CCDC38: variants seen among roughly 807,000 people sequenced by gnomAD.
The protein encoded by CCDC38 is coiled-coil domain containing 38, also known as coiled-coil domain-containing protein 38.
In CCDC38, 69 loss-of-function variants were observed where a neutral mutation model predicts 72.8. That is an observed-to-expected ratio of 0.95 (90% CI 0.78 to 1.16). The LOEUF (loss-of-function observed/expected upper bound fraction) is 1.16, where lower values mean the gene tolerates loss of function less well. CCDC38 is among the 50% of genes most tolerant of loss of function. CCDC38 has a pLI of 0.00. For synonymous variants in CCDC38, 201 were observed against 213.2 expected (o/e 0.94, Z 0.50); for missense variants, 626 against 638.9 (o/e 0.98, Z 0.22).
intron 13 of CCDC38, among the ~76,000 whole-genome samples, chr12:95,875,259 G>T (rs1023378548): frequency 2.0e-5 from 3 of 152,186 alleles, no homozygotes; most frequent in Non-Finnish European, 4.4e-5. Flanking sequence ...GCTGATAATG[G>T]TGTATTCCCT....
intron 4 of CCDC38, among the ~76,000 whole-genome samples, chr12:95,910,567 A>G (rs971750806): frequency 4.6e-5 from 7 of 152,224 alleles, no homozygotes; most frequent in Non-Finnish European, 1.0e-4. Flanking sequence ...GAAAAAAACT[A>G]TTCTAGAATT....
At chr12:95,905,392 C>T (rs186562081) in intron 5 of CCDC38, among the ~76,000 whole-genome samples, 1 of 152,256 alleles carries the variant, frequency 6.6e-6, no homozygotes, top group Non-Finnish European at 1.5e-5. Flanking sequence ...TCAAGCACCA[C>T]CTTAAACTAC....
intron 13 of CCDC38, among the ~76,000 whole-genome samples, chr12:95,875,160 A>G (rs932075767): frequency 6.7e-6 from 1 of 148,966 alleles, no homozygotes; most frequent in African/African-American, 2.4e-5. Context: ...GTTCGAAAAC[A>G]GGAAAGCTGA....
At position 95,878,207 on chromosome 12, in the gene CCDC38, T is replaced by G. The variant is rs1170507277; in HGVS notation, c.1278+4A>C. The G allele has an allele frequency of 6.2e-7, 1 of 1,612,742 alleles. No homozygotes were observed. The highest frequency in any genetic ancestry group is 1.7e-5 in the Admixed American group (1 of 59,900). On this transcript the variant is annotated splice_donor_region_variant and intron_variant, in intron 13 of 15. Transcript: ENST00000344280. Reference sequence around the variant, plus strand: ...GAAATCACCATAGGCAAAGAGTGATTTACCTGAGCATCTGAATTAAATTCT... The same window carrying G: ...GAAATCACCATAGGCAAAGAGTGATGTACCTGAGCATCTGAATTAAATTCT...
chr12:95,928,446 T>A (rs2080297742), intron 2 of CCDC38, among the ~76,000 whole-genome samples: 1 of 152,224 alleles, frequency 6.6e-6, no homozygotes, highest in Non-Finnish European at 1.5e-5. Context: ...TCTTCTAAAC[T>A]TTTTTCAAAG....
intron 2 of CCDC38, among the ~76,000 whole-genome samples, chr12:95,922,096 C>T (rs563593351): frequency 6.6e-6 from 1 of 152,252 alleles, no homozygotes; most frequent in South Asian, 2.1e-4. Flanking sequence ...CCCAAAGATT[C>T]AGTGTAGAAA....
chr12:95,885,039 A>G (rs915066043), intron 10 of CCDC38: 3 of 152,216 alleles, frequency 2.0e-5, no homozygotes, highest in African/African-American at 4.8e-5. Context: ...TTTATATAAA[A>G]AGAAAAAGGA....
Position 95,918,884 on chromosome 12 carries a change from T to C in CCDC38, c.130A>G (p.Lys44Glu), listed in dbSNP as rs752119847. ...FLVKENEMAA[K>E]ETEKFMNRNM... is the part of the protein sequence containing the mutation. ...TTTTAATTAAACTTTACCGTTTCCT[T>C]TGCTGCCATTTCATTTTCTTTGACA... Residue 44 changes from lysine (K) to glutamate (E), a missense_variant, in exon 3 of 16, where the codon AAG becomes GAG. By Grantham distance (56) the Lys-to-Glu change is moderately conservative. Transcript: ENST00000344280. 2.5e-6 allele frequency: 4 copies of C among 1,596,434 alleles called. No individual in the cohort carries two copies. The Admixed American group carries it at 6.7e-5, about 27-fold the overall frequency.
rs1413014948 is a variant in CCDC38 at position 95,942,594 on chromosome 12, A to C, written c.-178T>G. On this transcript the variant is annotated 5_prime_UTR_variant, in exon 1 of 16. Transcript: ENST00000344280. ...CGTCTGGTAGCTGATCCCGGAACGC[A>C]GCTGGCCAACGGATAAGTGCGGGGC... is the stretch of plus-strand genomic sequence containing the variant. The C allele has an allele frequency of 6.6e-6, 1 of 152,368 alleles. No individual in the cohort carries two copies. 9.4% of individuals were successfully genotyped at this position (152,368 alleles called of 1,614,324 possible). A position where few individuals can be genotyped will look rare whatever the true frequency, so the allele number is the denominator to read the frequency against.
intron 7 of CCDC38, among the ~76,000 whole-genome samples, chr12:95,897,348 C>T (rs1007358931): frequency 6.6e-6 from 1 of 152,058 alleles, no homozygotes; most frequent in Non-Finnish European, 1.5e-5. Context: ...GTGACTCACG[C>T]CTGTAATCCC....
At chr12:95,928,829 G>T (rs1347549827) in intron 2 of CCDC38, among the ~76,000 whole-genome samples, 1 of 152,186 alleles carries the variant, frequency 6.6e-6, no homozygotes, top group Non-Finnish European at 1.5e-5. Flanking sequence ...CTGCTAGGGG[G>T]TGACTCCCAG....
intron 13 of CCDC38, among the ~76,000 whole-genome samples, chr12:95,873,224 C>T (rs1345053054): frequency 6.6e-6 from 1 of 152,130 alleles, no homozygotes; most frequent in Non-Finnish European, 1.5e-5. Flanking sequence ...AGTTCTCTGC[C>T]TTATCCTTAT....
Position 95,928,051 on chromosome 12 carries a change from C to A in CCDC38, c.37+8422G>T, listed in dbSNP as rs11108343. Among the ~76,000 whole-genome samples, 22 of 148,156 alleles carry A rather than the reference C, an allele frequency of 1.5e-4. No individual in the cohort carries two copies. In the South Asian group the frequency reaches 2.6e-3, roughly 18 times the overall value. ...CTCTTCTCGAGGAGTATCTTTGTGGCGTTCTCTGTATTTCCTGAATCTGAA... is the reference window on the plus strand; with the variant it reads ...CTCTTCTCGAGGAGTATCTTTGTGGAGTTCTCTGTATTTCCTGAATCTGAA... On this transcript the variant is annotated intron_variant, in intron 2 of 15. Coordinates refer to ENST00000344280, the MANE Select transcript of CCDC38 (RefSeq NM_182496.3).
intron 12 of CCDC38, 103 bp from the exon 13 acceptor site, chr12:95,878,449 T>A: frequency 8.9e-7 from 1 of 1,123,688 alleles, no homozygotes; most frequent in Non-Finnish European, 1.3e-6. Context: ...AAAATCCATG[T>A]AGTGAGCCAA....
At position 95,917,297 on chromosome 12, in the gene CCDC38, G is replaced by A. The variant is rs1256553143; in HGVS notation, c.139-3C>T. On this transcript the variant is annotated splice_region_variant and splice_polypyrimidine_tract_variant and intron_variant, in intron 3 of 15. Coordinates refer to ENST00000344280, the MANE Select transcript of CCDC38 (RefSeq NM_182496.3). The stretch of plus-strand genomic sequence containing the variant: ...ATGTTACGGTTCATAAATTTTTCCT[G>A]CCCAAGTGGAAAAGTTGAAAAGAAT... The A allele has an allele frequency of 1.3e-6, 2 of 1,581,454 alleles. No homozygotes were observed. Among genetic ancestry groups the A allele is most frequent in the African/African-American group, 2.8e-5 (2 of 72,588 alleles).
At chr12:95,914,162 A>G (rs559925256) in intron 4 of CCDC38, among the ~76,000 whole-genome samples, 1 of 152,270 alleles carries the variant, frequency 6.6e-6, no homozygotes, top group East Asian at 1.9e-4. Flanking sequence ...CGTCTCTACT[A>G]AAAATACAAA....
intron 2 of CCDC38, among the ~76,000 whole-genome samples, chr12:95,928,826 G>T (rs1280103149): frequency 6.6e-6 from 1 of 152,182 alleles, no homozygotes; most frequent in African/African-American, 2.4e-5. Flanking sequence ...CCCCTGCTAG[G>T]GGGTGACTCC....
At chr12:95,910,446 G>T (rs1182839698) in intron 4 of CCDC38, among the ~76,000 whole-genome samples, 1 of 152,094 alleles carries the variant, frequency 6.6e-6, no homozygotes, top group Admixed American at 6.5e-5. Context: ...AACATTCCAG[G>T]CTCATGGATT....
intron 5 of CCDC38, among the ~76,000 whole-genome samples, chr12:95,900,711 T>C (rs2079941536): frequency 6.6e-6 from 1 of 152,244 alleles, no homozygotes; most frequent in Admixed American, 6.5e-5. Context: ...TGTTATTGCC[T>C]ACTTCATTGT....
Sources: allele counts gnomAD v4.1 joint callset (sites outside exome capture counted in the v4.1 genomes callset), GRCh38; gene constraint gnomAD v4.1.1; transcripts MANE v1.5; gene names NCBI Gene and HGNC (gene_info 2026-07-23, HGNC 2026-07-21).